ADAMTSL3: variants seen among roughly 807,000 people sequenced by gnomAD.
ADAMTSL3 encodes the protein ADAMTS like 3.
A neutral mutation model predicts 201.7 loss-of-function variants in ADAMTSL3; 128 were observed. That is an observed-to-expected ratio of 0.63 (90% CI 0.55 to 0.73). The LOEUF is 0.73. Among genes scored for constraint, ADAMTSL3 ranks in the 30% least tolerant of loss-of-function variants. ADAMTSL3 has a pLI of 0.00. For missense variants in ADAMTSL3, 1,990 were observed against 2,119.6 expected (o/e 0.94, Z 1.20); for synonymous variants, 738 against 748.4 (o/e 0.99, Z 0.23).
intron 4 of ADAMTSL3, among the ~76,000 whole-genome samples, chr15:83,779,414 C>G (rs557173998): frequency 2.0e-5 from 3 of 152,146 alleles, no homozygotes; most frequent in African/African-American, 4.8e-5. Flanking sequence ...AAAAAACAAT[C>G]TCGGCTGGGT....
intron 23 of ADAMTSL3, among the ~76,000 whole-genome samples, chr15:84,011,233 A>G (rs903560904): frequency 1.3e-5 from 2 of 152,238 alleles, no homozygotes; most frequent in African/African-American, 4.8e-5. Flanking sequence ...AAATAAGCAA[A>G]TTAAATGTTA....
chr15:83,799,822 T>TA (rs2063489426), intron 4 of ADAMTSL3, among the ~76,000 whole-genome samples: 1 of 152,230 alleles, frequency 6.6e-6, no homozygotes, highest in Admixed American at 6.5e-5. Context: ...ATATACTAAT[T>TA]ACACTGAAAT....
rs2068514858 is a variant in ADAMTSL3, at chr15:84,036,766, A to G, written c.4755-7A>G. 6.3e-7 allele frequency: 1 copy of G among 1,587,588 alleles called. No homozygotes were observed. On this transcript the variant is annotated splice_polypyrimidine_tract_variant and splice_region_variant and intron_variant, in intron 28 of 29. Transcript: ENST00000286744. ...GTTTTTCCGTTTTGTTTTATTTTTCACTTCAGACCCACCTTAAGAAGGAAC... is the reference window on the plus strand; with the variant it reads ...GTTTTTCCGTTTTGTTTTATTTTTCGCTTCAGACCCACCTTAAGAAGGAAC...
At chr15:83,757,181 C>T (rs766378046) in intron 3 of ADAMTSL3, among the ~76,000 whole-genome samples, 18 of 152,352 alleles carry the variant, frequency 1.2e-4, no homozygotes, top group Non-Finnish European at 2.2e-4. Flanking sequence ...GTGGGGCCCG[C>T]ACCCCAAATT....
intron 28 of ADAMTSL3, among the ~76,000 whole-genome samples, chr15:84,034,995 C>A (rs2068478525): frequency 6.6e-6 from 1 of 152,170 alleles, no homozygotes; most frequent in African/African-American, 2.4e-5. Context: ...TGAGTCCTGT[C>A]CCTGGCCAGG....
intron 2 of ADAMTSL3, among the ~76,000 whole-genome samples, chr15:83,681,699 C>T (rs74024538): frequency 6.7e-4 from 102 of 152,296 alleles, no homozygotes; most frequent in African/African-American, 2.4e-3. Context: ...TACAGACTCA[C>T]ATTGGATGTG....
intron 3 of ADAMTSL3, among the ~76,000 whole-genome samples, chr15:83,707,182 A>G (rs1357104507): frequency 6.6e-6 from 1 of 152,158 alleles, no homozygotes; most frequent in Non-Finnish European, 1.5e-5. Flanking sequence ...TTTACTTTGG[A>G]CAAGTTACTT....
chr15:83,896,014 C>T (rs2141903363), intron 13 of ADAMTSL3, among the ~76,000 whole-genome samples: 1 of 152,212 alleles, frequency 6.6e-6, no homozygotes, highest in South Asian at 2.1e-4. Flanking sequence ...GTACAAAGTG[C>T]TTAGGGGGTC....
intron 2 of ADAMTSL3, among the ~76,000 whole-genome samples, chr15:83,695,395 G>A (rs2141473343): frequency 6.6e-6 from 1 of 151,798 alleles, no homozygotes; most frequent in East Asian, 1.9e-4. Flanking sequence ...TTCTTCCTGT[G>A]ATAGATTTAA....
chr15:83,816,323 C>A (rs562100398), intron 5 of ADAMTSL3, among the ~76,000 whole-genome samples: 1 of 152,176 alleles, frequency 6.6e-6, no homozygotes, highest in Non-Finnish European at 1.5e-5. Context: ...AAAGATTGAC[C>A]TGGTGTGGAC....
At chr15:83,721,762 T>G (rs1008835237) in intron 3 of ADAMTSL3, among the ~76,000 whole-genome samples, 1 of 152,178 alleles carries the variant, frequency 6.6e-6, no homozygotes, top group Non-Finnish European at 1.5e-5. Flanking sequence ...GGATGGAGTC[T>G]TGCCCTGTTG....
intron 4 of ADAMTSL3, among the ~76,000 whole-genome samples, chr15:83,795,234 AAACAAC>A (rs561027421): frequency 8.7e-5 from 11 of 126,872 alleles, no homozygotes; most frequent in South Asian, 3.4e-4. Context: ...CACACATTTA[AAACAAC>A]AACAACAACA....
chr15:83,762,878 T>A (rs1567128005), intron 3 of ADAMTSL3, among the ~76,000 whole-genome samples: 1 of 127,352 alleles, frequency 7.9e-6, no homozygotes, highest in Non-Finnish European at 1.6e-5. Flanking sequence ...TATACATGTC[T>A]TTTGATTTAC....
chr15:83,679,249 T>C (rs2061447079), intron 2 of ADAMTSL3, among the ~76,000 whole-genome samples: 1 of 152,174 alleles, frequency 6.6e-6, no homozygotes, highest in Non-Finnish European at 1.5e-5. Flanking sequence ...TCAAGAGTGC[T>C]CATAATTGCT....
chr15:83,872,004 G>C (rs1219871379), intron 9 of ADAMTSL3, among the ~76,000 whole-genome samples: 1 of 152,172 alleles, frequency 6.6e-6, no homozygotes, highest in Non-Finnish European at 1.5e-5. Context: ...GAACATGCAC[G>C]GAGGTAGATT....
At chr15:83,848,509 A>T (rs1004231722) in intron 7 of ADAMTSL3, among the ~76,000 whole-genome samples, 9 of 152,210 alleles carry the variant, frequency 5.9e-5, no homozygotes, top group Non-Finnish European at 1.5e-5. Flanking sequence ...TGTGGGAGGG[A>T]AAGTCAGTGA....
intron 2 of ADAMTSL3, among the ~76,000 whole-genome samples, chr15:83,690,882 A>G (rs148078335): frequency 2.6e-5 from 4 of 152,334 alleles, no homozygotes; most frequent in East Asian, 1.9e-4. Flanking sequence ...TATCACATAC[A>G]TTATTTTAGG....
chr15:83,726,949 A>C (rs1206126355), intron 3 of ADAMTSL3, among the ~76,000 whole-genome samples: 3 of 151,824 alleles, frequency 2.0e-5, no homozygotes, highest in African/African-American at 7.3e-5. Context: ...ATTTTTGAGA[A>C]TAGTTTGAGT....
intron 8 of ADAMTSL3, among the ~76,000 whole-genome samples, chr15:83,864,464 C>G (rs973345253): frequency 6.6e-6 from 1 of 152,182 alleles, no homozygotes; most frequent in Admixed American, 6.5e-5. Context: ...TCAACATACG[C>G]AAATCAATAA....
Sources: gnomAD v4.1 joint callset for allele counts (sites outside exome capture counted in the v4.1 genomes callset) on GRCh38, gnomAD v4.1.1 for gene constraint, MANE v1.5 for transcripts, NCBI Gene and HGNC (gene_info 2026-07-23, HGNC 2026-07-21) for gene names.